The following HIVEP3 variants were observed in gnomAD, a reference collection of about 807,000 sequenced individuals.
HIVEP3 encodes HIVEP zinc finger 3, also known as transcription factor HIVEP3.
Under a neutral mutation model 152.8 loss-of-function variants are expected in HIVEP3, and 49 were observed. The ratio of observed to expected loss-of-function variants is 0.32; its 90% confidence interval spans 0.26 to 0.41. HIVEP3 has a LOEUF of 0.41. Ranked by LOEUF, HIVEP3 falls within the 10% of genes least tolerant of loss-of-function variation. The pLI is 1.00. For missense variants in HIVEP3, 2,790 were observed against 3,103.3 expected (o/e 0.90, Z 2.40); for synonymous variants, 1,269 against 1,289.0 (o/e 0.98, Z 0.33).
chr1:41,853,980 T>C (rs66978463), intron 1 of HIVEP3, among the ~76,000 whole-genome samples: 30,847 of 151,960 alleles, frequency 0.2, 3,345 homozygotes, highest in African/African-American at 0.28. Flanking sequence ...TTTCAAGGGA[T>C]GGGGAAAGAA....
At chr1:41,678,649 T>C (rs890888614) in intron 2 of HIVEP3, among the ~76,000 whole-genome samples, 1 of 150,068 alleles carries the variant, frequency 6.7e-6, no homozygotes, top group African/African-American at 2.5e-5. Flanking sequence ...TCAAAGCAAC[T>C]TGGAGAGAAA....
At chr1:41,715,241 C>T (rs1240381712) in intron 1 of HIVEP3, among the ~76,000 whole-genome samples, 1 of 152,222 alleles carries the variant, frequency 6.6e-6, no homozygotes, top group East Asian at 1.9e-4. Flanking sequence ...CCAGGGAAAA[C>T]AGATGGTCAG....
chr1:41,594,958 C>A (rs1644643728), intron 3 of HIVEP3, among the ~76,000 whole-genome samples: 1 of 152,128 alleles, frequency 6.6e-6, no homozygotes, highest in South Asian at 2.1e-4. Context: ...CCCTAGCTAG[C>A]CAGTTGTCCC....
chr1:42,018,881 G>T (rs888236015), intron 1 of HIVEP3, among the ~76,000 whole-genome samples: 1 of 151,986 alleles, frequency 6.6e-6, no homozygotes, highest in African/African-American at 2.4e-5. Context: ...GTCTACAAAT[G>T]TATTGCTGTT....
Position 41,512,855 on chromosome 1 carries a change from C to T in HIVEP3, c.6366G>A (p.Lys2122=). 6.5e-7 allele frequency: 1 copy of T among 1,542,334 alleles called. No individual in the cohort carries two copies. Among genetic ancestry groups the T allele is most frequent in the African/African-American group, 1.4e-5 (1 of 73,096 alleles). ...AGGTCTCTGGGCTTCTGCTGAGGAG[C>T]TTGTGAGGTAGAGGCGCGGGCGGGA... is the stretch of plus-strand genomic sequence containing the variant. ...VLFPPAPLPH[K]LLSRSPETCA... The change falls in exon 8 of 9, where the codon AAG becomes AAA. Residue 2122 remains lysine, a synonymous_variant. Transcript: ENST00000372583.
chr1:41,878,198 A>G (rs907780017), intron 1 of HIVEP3, among the ~76,000 whole-genome samples: 9 of 152,206 alleles, frequency 5.9e-5, no homozygotes, highest in Non-Finnish European at 1.0e-4. Context: ...CACAAATACG[A>G]ATTAAGCACC....
At chr1:41,838,134 G>A (rs943823444) in intron 1 of HIVEP3, among the ~76,000 whole-genome samples, 4 of 152,070 alleles carry the variant, frequency 2.6e-5, no homozygotes, top group Non-Finnish European at 5.9e-5. Context: ...TGAACTTGTT[G>A]AGATAATTGT....
intron 1 of HIVEP3, among the ~76,000 whole-genome samples, chr1:41,722,753 C>T (rs1327693254): frequency 6.6e-6 from 1 of 152,092 alleles, no homozygotes; most frequent in Non-Finnish European, 1.5e-5. Context: ...AGCATAGGAG[C>T]ACATGAAATC....
chr1:41,573,372 C>T (rs774900804), intron 5 of HIVEP3, among the ~76,000 whole-genome samples: 4 of 152,082 alleles, frequency 2.6e-5, no homozygotes, highest in African/African-American at 4.8e-5. Context: ...AAACACTCTG[C>T]GGGGTGATGC....
At chr1:41,842,386 G>A (rs1643313559) in intron 1 of HIVEP3, among the ~76,000 whole-genome samples, 1 of 152,144 alleles carries the variant, frequency 6.6e-6, no homozygotes, top group African/African-American at 2.4e-5. Flanking sequence ...TGTGGAGCCA[G>A]GTTTGGCAAC....
At chr1:41,911,596 T>C (rs1279018477) in intron 1 of HIVEP3, among the ~76,000 whole-genome samples, 2 of 151,872 alleles carry the variant, frequency 1.3e-5, no homozygotes, top group African/African-American at 2.4e-5. Context: ...TGAAAAAAAA[T>C]GTTTACAGCA....
rs750278285 is a variant in HIVEP3, at chr1:41,518,458, G to A, written c.5414C>T (p.Ala1805Val). 7.4e-6 allele frequency: 12 copies of A among 1,614,078 alleles called. No individual in the cohort carries two copies. In the East Asian group the frequency reaches 2.7e-4, roughly 36 times the overall value. ...GNLTKHMKSK[A>V]HSKKCQETGV... ...TGTCTCTTGGCACTTTTTGCTGTGG[G>A]CCTTCGACTTCATGTGCTTAGTCAG... Residue 1805 changes from alanine to valine, a missense_variant, in exon 7 of 9, where the codon GCC becomes GTC. Transcript: ENST00000372583.
intron 1 of HIVEP3, among the ~76,000 whole-genome samples, chr1:42,011,080 T>C (rs968988349): frequency 3.3e-5 from 5 of 152,218 alleles, no homozygotes; most frequent in African/African-American, 9.6e-5. Context: ...CCCACAGCAC[T>C]GCCTGCTGTT....
chr1:41,561,673 C>A (rs894571803), intron 5 of HIVEP3, among the ~76,000 whole-genome samples: 1 of 127,720 alleles, frequency 7.8e-6, no homozygotes, highest in Non-Finnish European at 1.7e-5. Context: ...CTACCATGCC[C>A]AGCTAATTTT....
intron 1 of HIVEP3, among the ~76,000 whole-genome samples, chr1:41,936,757 A>G: frequency 6.6e-6 from 1 of 152,204 alleles, no homozygotes; most frequent in South Asian, 2.1e-4. Context: ...AGTCTGAATT[A>G]ACCATATCAG....
chr1:41,987,849 CCTT>C (rs1196843447), intron 1 of HIVEP3, among the ~76,000 whole-genome samples: 2 of 152,134 alleles, frequency 1.3e-5, no homozygotes, highest in Non-Finnish European at 2.9e-5. Context: ...GAAGCAGGCA[CCTT>C]CTTCACTAAG....
At chr1:42,033,061 A>C (rs2124541959) in intron 1 of HIVEP3, among the ~76,000 whole-genome samples, 1 of 152,216 alleles carries the variant, frequency 6.6e-6, no homozygotes, top group East Asian at 1.9e-4. Context: ...AGGTGCCCGC[A>C]TGCAGAGGGA....
At chr1:41,923,433 A>G (rs560394639), upstream of HIVEP3, among the ~76,000 whole-genome samples, 1 of 152,330 alleles carries the variant, frequency 6.6e-6, no homozygotes, top group African/African-American at 2.4e-5. Context: ...GGGATCTTAA[A>G]AAGTCAAACT....
intron 1 of HIVEP3, among the ~76,000 whole-genome samples, chr1:42,019,592 T>C (rs768613): frequency 0.68 from 103,049 of 151,740 alleles, 35,640 homozygotes; most frequent in East Asian, 0.96. Flanking sequence ...TGGTATCCAG[T>C]ACCCCTGCTT....
Sources: gnomAD v4.1 joint callset for allele counts (sites outside exome capture counted in the v4.1 genomes callset) on GRCh38, gnomAD v4.1.1 for gene constraint, MANE v1.5 for transcripts, NCBI Gene and HGNC (gene_info 2026-07-23, HGNC 2026-07-21) for gene names.